RB1: variants seen among roughly 807,000 people sequenced by gnomAD.
RB1 encodes the protein retinoblastoma-associated protein.
Under a neutral mutation model 135.4 loss-of-function variants are expected in RB1, and 18 were observed. The ratio of observed to expected loss-of-function variants is 0.13; its 90% CI spans 0.09 to 0.20. The LOEUF is 0.20. RB1 is among the 10% of genes least tolerant of loss of function. RB1 has a pLI of 1.00. For missense variants in RB1, 868 were observed against 1,110.0 expected (o/e 0.78, Z 3.10); for synonymous variants, 365 against 373.2 (o/e 0.98, Z 0.25).
chr13:48,323,513 A>C (rs1332928521), intron 2 of RB1, among the ~76,000 whole-genome samples: 1 of 151,788 alleles, frequency 6.6e-6, no homozygotes, highest in Non-Finnish European at 1.5e-5. Flanking sequence ...TTCTCTAAAA[A>C]ATTTTGATCA....
intron 1 of RB1, among the ~76,000 whole-genome samples, chr13:48,306,318 T>C (rs1027076340): frequency 6.6e-6 from 1 of 152,166 alleles, no homozygotes; most frequent in African/African-American, 2.4e-5. Flanking sequence ...GGTGGGAGGA[T>C]CCCTTGAGCC....
intron 2 of RB1, among the ~76,000 whole-genome samples, chr13:48,336,841 A>G (rs1328128872): frequency 6.6e-6 from 1 of 152,108 alleles, no homozygotes; most frequent in Non-Finnish European, 1.5e-5. Flanking sequence ...TTCCCTCTAC[A>G]CACTGCTTTA....
intron 1 of RB1, 125 bp downstream of exon 1, chr13:48,304,174 G>T: frequency 1.9e-6 from 2 of 1,038,842 alleles, no homozygotes; most frequent in Non-Finnish European, 2.5e-6. Flanking sequence ...GGGAGGAGGC[G>T]CCCTCCCTGC....
At chr13:48,426,434 A>T (rs1449101477) in intron 17 of RB1, 5 of 152,210 alleles carry the variant, frequency 3.3e-5, no homozygotes, top group Non-Finnish European at 5.9e-5. Context: ...AATCAAATAG[A>T]CATAGGCTTT....
chr13:48,420,667 C>T (rs1233216404), intron 17 of RB1, among the ~76,000 whole-genome samples: 12 of 152,134 alleles, frequency 7.9e-5, no homozygotes, highest in Non-Finnish European at 7.4e-5. Context: ...TCTCCTTAAG[C>T]TGATAAGCAA....
chr13:48,463,461 C>T (rs1236261627), intron 20 of RB1, among the ~76,000 whole-genome samples: 3 of 152,148 alleles, frequency 2.0e-5, no homozygotes, highest in Non-Finnish European at 4.4e-5. Flanking sequence ...TTCTGGGAAA[C>T]ATTTAAGGGA....
chr13:48,460,342 G>A (rs1427327730), intron 20 of RB1, among the ~76,000 whole-genome samples: 3 of 152,026 alleles, frequency 2.0e-5, no homozygotes, highest in Non-Finnish European at 2.9e-5. Context: ...CTTAATATAT[G>A]TTCACTTTTT....
intron 17 of RB1, among the ~76,000 whole-genome samples, chr13:48,415,432 A>C (rs1314567052): frequency 6.6e-6 from 1 of 151,884 alleles, no homozygotes; most frequent in Non-Finnish European, 1.5e-5. Flanking sequence ...GGCACCCGCC[A>C]CCACACCCAG....
intron 17 of RB1, among the ~76,000 whole-genome samples, chr13:48,447,456 C>T (rs1046322624): frequency 2.0e-5 from 3 of 151,994 alleles, no homozygotes; most frequent in Non-Finnish European, 1.5e-5. Context: ...TACAGTCATA[C>T]GTTTGAGGAA....
At chr13:48,315,159 C>T (rs985144362) in intron 2 of RB1, among the ~76,000 whole-genome samples, 3 of 152,038 alleles carry the variant, frequency 2.0e-5, no homozygotes, top group Admixed American at 1.3e-4. Flanking sequence ...ATTGATTCTT[C>T]TTATCCATGA....
chr13:48,328,017 A>T (rs1312348860), intron 2 of RB1: 5 of 687,090 alleles, frequency 7.3e-6, no homozygotes, highest in South Asian at 7.2e-5. Context: ...TACCATTCTT[A>T]AAAAAAGGAA....
At chr13:48,305,828 A>G (rs1952076321) in intron 1 of RB1, among the ~76,000 whole-genome samples, 1 of 152,216 alleles carries the variant, frequency 6.6e-6, no homozygotes, top group African/African-American at 2.4e-5. Context: ...GCTCAGTCCA[A>G]CTGCACCTCC....
chr13:48,472,654 C>T (rs1949478553), intron 23 of RB1, among the ~76,000 whole-genome samples: 1 of 151,978 alleles, frequency 6.6e-6, no homozygotes, highest in Non-Finnish European at 1.5e-5. Context: ...AAATCATTGA[C>T]CAGGCATTAG....
chr13:48,464,958 C>CTTTTTTTTTT (rs553094345), intron 21 of RB1, 40 bp from the exon 22 acceptor site: 123 of 832,620 alleles, frequency 1.5e-4, no homozygotes, highest in South Asian at 2.8e-4. Context: ...GTAAATTTTA[C>CTTTTTTTTTT]TTTTTTTTTT....
In RB1 at chr13:48,335,416, T is replaced by C. The variant is rs1219275723; in HGVS notation, c.265-7183T>C. Among the ~76,000 whole-genome samples, 5 of 152,122 alleles carry C rather than the reference T, an allele frequency of 3.3e-5. No homozygotes were observed. The East Asian group carries it at 9.6e-4, about 29-fold the overall frequency. Reference sequence around the variant, plus strand: ...CAAGTGTACACATTTATGGGACATATGAAATGCCCTGATGCAAGCATGCAG... The same window carrying C: ...CAAGTGTACACATTTATGGGACATACGAAATGCCCTGATGCAAGCATGCAG... On this transcript the variant is annotated intron_variant, in intron 2 of 26. Transcript: ENST00000267163.
intron 2 of RB1, chr13:48,341,131 A>T (rs1254386295): frequency 6.6e-6 from 1 of 152,084 alleles, no homozygotes; most frequent in Non-Finnish European, 1.5e-5. Context: ...TTTTGACTTT[A>T]AAGATTGGTT....
intron 17 of RB1, among the ~76,000 whole-genome samples, chr13:48,419,469 T>G (rs909944558): frequency 1.3e-5 from 2 of 151,728 alleles, no homozygotes; most frequent in Non-Finnish European, 2.9e-5. Context: ...ACATCACAAT[T>G]AAAAGAACTA....
chr13:48,359,801 T>TTA (rs1258097822), intron 6 of RB1, among the ~76,000 whole-genome samples: 6 of 151,280 alleles, frequency 4.0e-5, no homozygotes, highest in African/African-American at 1.4e-4. Flanking sequence ...AACACTTGAT[T>TTA]TATAATTCCA....
In RB1 at chr13:48,465,207, C is replaced by T. The variant is rs2138345461; in HGVS notation, c.2328C>T (p.Pro776=). 1 of 1,613,734 alleles carries T rather than the reference C, an allele frequency of 6.2e-7. No individual in the cohort carries two copies. The highest frequency in any genetic ancestry group is 8.5e-7 in the Non-Finnish European group (1 of 1,179,872). ...CTACTTTTTTGTTTTTGCTCTAGCC[C>T]CCTACCTTGTCACCAATACCTCACA... ...TNILQYASTR[P]PTLSPIPHIP... The change falls in exon 23 of 27, where the codon CCC becomes CCT. Residue 776 remains proline (P), a splice_region_variant and synonymous_variant. Transcript: ENST00000267163.
Sources: allele counts gnomAD v4.1 joint callset (sites outside exome capture counted in the v4.1 genomes callset), GRCh38; gene constraint gnomAD v4.1.1; transcripts MANE v1.5; gene names NCBI Gene and HGNC (gene_info 2026-07-23, HGNC 2026-07-21).